WDR72: variants seen among roughly 807,000 people sequenced by gnomAD.
WDR72 encodes WD repeat-containing protein 72.
In WDR72, 120 loss-of-function variants were observed where a neutral mutation model predicts 124.2. The observed-to-expected ratio is 0.97, with a 90% CI of 0.83 to 1.12. The LOEUF (loss-of-function observed/expected upper bound fraction) is 1.12. Ranked by LOEUF, WDR72 falls within the 50% of genes most tolerant of loss-of-function variation. The probability of loss-of-function intolerance (pLI) is 0.00; values close to 1 mark genes in which losing one functional copy is unlikely to be tolerated. For missense variants in WDR72, 1,387 were observed against 1,278.8 expected (o/e 1.08, Z -1.29); for synonymous variants, 452 against 441.7 (o/e 1.02, Z -0.29).
intron 1 of WDR72, among the ~76,000 whole-genome samples, chr15:53,736,122 A>G (rs530601964): frequency 6.6e-5 from 10 of 152,302 alleles, no homozygotes; most frequent in Admixed American, 2.6e-4. Context: ...TAAGAGATAT[A>G]GATGCTAAGT....
rs2017206954 is a variant in WDR72, at chr15:53,702,295, G to A, written c.1408C>T (p.Pro470Ser). 1 of 1,613,924 alleles carries A rather than the reference G, an allele frequency of 6.2e-7. No homozygotes were observed. Among genetic ancestry groups the A allele is most frequent in the African/African-American group, 1.3e-5 (1 of 74,900 alleles). The change falls in exon 12 of 20, where the codon CCA becomes TCA. Residue 470 changes from proline to serine, a missense_variant. Physicochemically the swap from Pro to Ser is moderately conservative, Grantham distance 74. Coordinates refer to ENST00000360509, the MANE Select transcript of WDR72 (RefSeq NM_182758.4). ...TCTAATTTCGAAGAGAGACCATGTG[G>A]ATAGAGTAATGAAGTGACACTTTGG... ...HHQSVTSLLY[P>S]HGLSSKLDQS...
At chr15:53,695,927 G>A (rs1359100785) in intron 13 of WDR72, among the ~76,000 whole-genome samples, 2 of 152,136 alleles carry the variant, frequency 1.3e-5, no homozygotes, top group African/African-American at 4.8e-5. Context: ...GAGGAAGGGT[G>A]GCACAGGGAC....
In WDR72 at chr15:53,623,647, T is replaced by A. The variant is rs543224601; in HGVS notation, c.1963-7404A>T. ...AGATCACGTGTCTTTTTGGTAGAAC[T>A]TTATTTTCTTTCCCAGTAATGGGAT... On this transcript the variant is annotated intron_variant, in intron 14 of 19. Coordinates refer to ENST00000360509, the MANE Select transcript of WDR72 (RefSeq NM_182758.4). Among the ~76,000 whole-genome samples, 3 of 152,138 alleles carry A rather than the reference T, an allele frequency of 2.0e-5. No individual in the cohort carries two copies. In the South Asian group the frequency reaches 6.2e-4, roughly 32 times the overall value.
intron 14 of WDR72, among the ~76,000 whole-genome samples, chr15:53,649,932 C>A (rs1344111105): frequency 1.3e-5 from 2 of 152,082 alleles, no homozygotes; most frequent in Admixed American, 6.6e-5. Flanking sequence ...GTCCAGCAAT[C>A]GACTTCTGGG....
intron 14 of WDR72, among the ~76,000 whole-genome samples, chr15:53,639,266 C>A (rs984606951): frequency 2.0e-5 from 3 of 151,846 alleles, no homozygotes; most frequent in African/African-American, 7.3e-5. Flanking sequence ...TATATGTGGA[C>A]GACTCAACAG....
chr15:53,649,952 A>G (rs2015173795), intron 14 of WDR72, among the ~76,000 whole-genome samples: 1 of 152,184 alleles, frequency 6.6e-6, no homozygotes, highest in African/African-American at 2.4e-5. Flanking sequence ...GTATTTATCC[A>G]AAAGAATTAA....
Position 53,705,235 on chromosome 15 carries a change from TA to T in WDR72, c.1103-3del, listed in dbSNP as rs1368078977. On this transcript the variant is annotated splice_region_variant and splice_polypyrimidine_tract_variant and intron_variant, in intron 10 of 19. Transcript: ENST00000360509. ...TCCAGGTGGCAGTTACTGGTATCTC[TA>T]AAAAGAAAACAGACATAAAAAGAAA... The T allele has an allele frequency of 6.2e-7, 1 of 1,612,476 alleles. No individual in the cohort carries two copies. Among genetic ancestry groups the T allele is most frequent in the Admixed American group, 1.7e-5 (1 of 60,016 alleles).
chr15:53,709,347 T>G (rs951250800), intron 9 of WDR72, among the ~76,000 whole-genome samples: 4 of 152,226 alleles, frequency 2.6e-5, no homozygotes, highest in Non-Finnish European at 4.4e-5. Context: ...TACAGAAACA[T>G]CTATGGTTGT....
chr15:53,702,898 ATTCAT>A (rs1397630978), intron 11 of WDR72, among the ~76,000 whole-genome samples: 3 of 127,456 alleles, frequency 2.4e-5, no homozygotes, highest in Non-Finnish European at 4.7e-5. Context: ...ACTTATTTTC[ATTCAT>A]TTTTTTTTTT....
chr15:53,742,339 G>A lies in WDR72; in HGVS notation c.-12-9178C>T, dbSNP rs76402221. Among the ~76,000 whole-genome samples the A allele has an allele frequency of 5.9e-3, 901 of 152,180 alleles. 2 individuals are homozygous for A. Among genetic ancestry groups the A allele is most frequent in the Non-Finnish European group, 6.1e-3 (418 of 68,002 alleles). On this transcript the variant is annotated intron_variant, in intron 1 of 19. Transcript: ENST00000360509. ...ACTCTCTATAGAATCTCTGTGGTGC[G>A]GAGGAGAAAGTTATGTTCCTGACAG...
intron 19 of WDR72, among the ~76,000 whole-genome samples, chr15:53,520,863 T>G (rs917454062): frequency 1.3e-5 from 2 of 152,098 alleles, no homozygotes; most frequent in African/African-American, 4.8e-5. Context: ...ATGTTCAATT[T>G]TAAGAATTTT....
At chr15:53,527,519 A>G (rs1243958941) in intron 18 of WDR72, among the ~76,000 whole-genome samples, 2 of 152,078 alleles carry the variant, frequency 1.3e-5, no homozygotes, top group Non-Finnish European at 2.9e-5. Flanking sequence ...AAAAAACCCT[A>G]TAATTTACAG....
intron 13 of WDR72, among the ~76,000 whole-genome samples, chr15:53,676,842 T>C (rs567273618): frequency 6.6e-6 from 1 of 152,154 alleles, no homozygotes; most frequent in South Asian, 2.1e-4. Context: ...CCAGGACTTG[T>C]GGCAGTACTT....
intron 13 of WDR72, among the ~76,000 whole-genome samples, chr15:53,682,389 T>C (rs1010865448): frequency 6.6e-6 from 1 of 152,200 alleles, no homozygotes; most frequent in African/African-American, 2.4e-5. Context: ...TGTCTCTACA[T>C]TGAAATAAAA....
intron 1 of WDR72, among the ~76,000 whole-genome samples, chr15:53,757,194 G>A (rs1595892284): frequency 6.6e-6 from 1 of 152,206 alleles, no homozygotes; most frequent in South Asian, 2.1e-4. Context: ...TTTAGTCCAG[G>A]TCTCCACCAC....
intron 19 of WDR72, among the ~76,000 whole-genome samples, chr15:53,519,330 C>G (rs1477416532): frequency 6.6e-6 from 1 of 152,076 alleles, no homozygotes; most frequent in Admixed American, 6.6e-5. Flanking sequence ...TAACATCTTT[C>G]AGATTCAGAA....
chr15:53,599,411 G>A (rs1325912363), intron 17 of WDR72, among the ~76,000 whole-genome samples: 1 of 151,990 alleles, frequency 6.6e-6, no homozygotes, highest in Non-Finnish European at 1.5e-5. Context: ...ATTCCACCAC[G>A]ACAGTTACCA....
chr15:53,721,331 C>T (rs971096120), intron 3 of WDR72, among the ~76,000 whole-genome samples: 1 of 152,126 alleles, frequency 6.6e-6, no homozygotes, highest in Admixed American at 6.5e-5. Flanking sequence ...AGCTGAAACT[C>T]AGTAACTTTT....
intron 18 of WDR72, among the ~76,000 whole-genome samples, chr15:53,578,619 A>C (rs1378101047): frequency 1.3e-5 from 2 of 152,108 alleles, no homozygotes; most frequent in Non-Finnish European, 2.9e-5. Context: ...AAAGAGGCAA[A>C]ATAAGACTAG....
Sources: allele counts gnomAD v4.1 joint callset (sites outside exome capture counted in the v4.1 genomes callset), GRCh38; gene constraint gnomAD v4.1.1; transcripts MANE v1.5; gene names NCBI Gene and HGNC (gene_info 2026-07-23, HGNC 2026-07-21).